The following KAZN variants were observed in gnomAD, a reference collection of about 807,000 sequenced individuals.
KAZN encodes kazrin.
KAZN carries 40 observed loss-of-function variants against 87.4 expected under a neutral mutation model. The ratio of observed to expected loss-of-function variants is 0.46; its 90% confidence interval spans 0.36 to 0.60. The LOEUF is 0.60. Ranked by LOEUF, KAZN falls within the 20% of genes least tolerant of loss-of-function variation. The pLI is 0.00. For missense variants in KAZN, 898 were observed against 1,073.9 expected, an observed-to-expected ratio of 0.84 and a Z score of 2.29; for synonymous variants, 466 against 458.3, an observed-to-expected ratio of 1.02 and a Z score of -0.22.
chr1:13,915,119 G>A (rs535620314), intron 1 of KAZN, among the ~76,000 whole-genome samples: 15 of 152,218 alleles, frequency 9.9e-5, no homozygotes, highest in Admixed American at 9.2e-4. Flanking sequence ...ATGTGTATAC[G>A]TGCAGTTGTA....
chr1:14,387,012 T>C (rs11587763), intron 2 of KAZN, among the ~76,000 whole-genome samples: 16,775 of 152,168 alleles, frequency 0.11, 1,115 homozygotes, highest in East Asian at 0.23. Flanking sequence ...CTTTGCTCGT[T>C]TCTTTTTATT....
intron 1 of KAZN, among the ~76,000 whole-genome samples, chr1:14,947,491 C>T (rs1385120088): frequency 3.3e-5 from 5 of 152,224 alleles, no homozygotes; most frequent in African/African-American, 9.6e-5. Flanking sequence ...CCAGTTTCAA[C>T]GCTGTGCCCA....
intron 2 of KAZN, among the ~76,000 whole-genome samples, chr1:14,416,822 G>A (rs75453101): frequency 4.1e-4 from 63 of 152,056 alleles, no homozygotes; most frequent in African/African-American, 1.5e-3. Context: ...TGTGGTGGTG[G>A]CCCATGCTTG....
chr1:14,178,412 A>G (rs1473583665), intron 1 of KAZN, among the ~76,000 whole-genome samples: 1 of 152,096 alleles, frequency 6.6e-6, no homozygotes, highest in African/African-American at 2.4e-5. Flanking sequence ...GGATAGTTTT[A>G]TTGCTATGAT....
At chr1:14,935,114 C>G (rs1300261062) in intron 1 of KAZN, among the ~76,000 whole-genome samples, 1 of 152,220 alleles carries the variant, frequency 6.6e-6, no homozygotes, top group Non-Finnish European at 1.5e-5. Context: ...AGGGGCAAAC[C>G]TGCATCCCTG....
intron 1 of KAZN, among the ~76,000 whole-genome samples, chr1:14,785,594 C>T (rs942602470): frequency 1.3e-5 from 2 of 152,186 alleles, no homozygotes. Context: ...CTTTTCCCCA[C>T]CTGCCCTTTG....
chr1:15,098,363 T>C (rs1386793063), intron 10 of KAZN, among the ~76,000 whole-genome samples: 1 of 152,208 alleles, frequency 6.6e-6, no homozygotes, highest in Non-Finnish European at 1.5e-5. Flanking sequence ...TGCGGCCCCA[T>C]GGGGACACCC....
intron 1 of KAZN, among the ~76,000 whole-genome samples, chr1:14,761,983 G>A (rs568432848): frequency 7.9e-5 from 12 of 151,024 alleles, no homozygotes; most frequent in African/African-American, 2.7e-4. Context: ...TGTGTGTGAC[G>A]TGATCCTGCA....
chr1:14,528,575 G>A (rs1672038043), intron 2 of KAZN, among the ~76,000 whole-genome samples: 1 of 151,164 alleles, frequency 6.6e-6, no homozygotes, highest in Non-Finnish European at 1.5e-5. Flanking sequence ...CTTGAGCCCA[G>A]GAGTTCAAGA....
At position 15,037,777 on chromosome 1, in the gene KAZN, C is replaced by T. The variant is rs142710508; in HGVS notation, c.555+2892C>T. 2.7e-4 allele frequency among the ~76,000 whole-genome samples: 41 copies of T among 152,152 alleles called. No individual in the cohort carries two copies. The East Asian group carries it at 7.9e-3, about 29-fold the overall frequency. ...GGGCAGGATTGGAGCTGTGGCTGGT[C>T]CCACACAGACCCCAGTCGTAGGTCT... On this transcript the variant is annotated intron_variant, in intron 3 of 14. Coordinates refer to ENST00000376030, the MANE Select transcript of KAZN (RefSeq NM_201628.3).
chr1:14,800,782 C>T (rs981456464), intron 1 of KAZN, among the ~76,000 whole-genome samples: 3 of 152,156 alleles, frequency 2.0e-5, no homozygotes, highest in Non-Finnish European at 4.4e-5. Context: ...TCACAAAAGA[C>T]TACACGTTGT....
At chr1:14,193,431 A>G (rs906773559) in intron 2 of KAZN, among the ~76,000 whole-genome samples, 1 of 152,182 alleles carries the variant, frequency 6.6e-6, no homozygotes, top group Non-Finnish European at 1.5e-5. Flanking sequence ...CAAGACATGC[A>G]TGGGGCTACC....
At chr1:14,248,574 A>G (rs1310612270) in intron 2 of KAZN, among the ~76,000 whole-genome samples, 1 of 152,222 alleles carries the variant, frequency 6.6e-6, no homozygotes, top group Non-Finnish European at 1.5e-5. Context: ...CTACAGGGCC[A>G]TGGAGGATGA....
intron 1 of KAZN, among the ~76,000 whole-genome samples, chr1:14,762,534 G>A (rs189316715): frequency 1.7e-4 from 26 of 152,142 alleles, no homozygotes; most frequent in Admixed American, 1.6e-3. Flanking sequence ...GACCATCCTG[G>A]CTAACATGGT....
intron 8 of KAZN, among the ~76,000 whole-genome samples, chr1:15,093,380 T>C (rs2100678509): frequency 6.6e-6 from 1 of 152,080 alleles, no homozygotes; most frequent in African/African-American, 2.4e-5. Flanking sequence ...TTAGGAGGTG[T>C]ATTTGTCAAA....
At chr1:14,245,216 C>T (rs116524258) in intron 2 of KAZN, among the ~76,000 whole-genome samples, 3,638 of 152,002 alleles carry the variant, frequency 0.024, 135 homozygotes, top group African/African-American at 0.084. Context: ...CCTCCCACCT[C>T]GGCCTCAGGA....
At chr1:13,919,086 A>G (rs1442905923) in intron 1 of KAZN, among the ~76,000 whole-genome samples, 2 of 152,242 alleles carry the variant, frequency 1.3e-5, no homozygotes, top group African/African-American at 4.8e-5. Flanking sequence ...AGCATTTACT[A>G]ATCAGAAGTG....
chr1:14,969,118 C>A (rs889300369), intron 2 of KAZN, among the ~76,000 whole-genome samples: 2 of 152,206 alleles, frequency 1.3e-5, no homozygotes, highest in African/African-American at 4.8e-5. Flanking sequence ...TGTCACCAGG[C>A]CTGCAGACAG....
intron 2 of KAZN, among the ~76,000 whole-genome samples, chr1:14,372,860 T>C (rs925275183): frequency 5.9e-5 from 9 of 152,132 alleles, no homozygotes; most frequent in Non-Finnish European, 8.8e-5. Context: ...CTCGAGGAGA[T>C]TGTAGTCTAG....
Sources: gnomAD v4.1 joint callset for allele counts (sites outside exome capture counted in the v4.1 genomes callset) on GRCh38, gnomAD v4.1.1 for gene constraint, MANE v1.5 for transcripts, NCBI Gene and HGNC (gene_info 2026-07-23, HGNC 2026-07-21) for gene names.